The following PRKN variants were observed in gnomAD, a reference collection of about 807,000 sequenced individuals.
PRKN encodes parkin RBR E3 ubiquitin protein ligase, also known as E3 ubiquitin-protein ligase parkin.
Under a neutral mutation model 59.5 loss-of-function variants are expected in PRKN, and 56 were observed. The ratio of observed to expected loss-of-function variants is 0.94; its 90% CI spans 0.76 to 1.18. PRKN has a LOEUF of 1.18. PRKN is among the 50% of genes most tolerant of loss of function. PRKN has a pLI of 0.00. For synonymous variants in PRKN, 250 were observed against 222.1 expected (o/e 1.13, Z -1.12); for missense variants, 657 against 596.4 (o/e 1.10, Z -1.06).
Position 162,353,571 on chromosome 6 carries a change from A to G in PRKN, c.171+89739T>C, listed in dbSNP as rs562789091. ...TAATTTTTTGAAGAATATTAAAGGT[A>G]AGACAATATAGAGACATGAATAATA... On this transcript the variant is annotated intron_variant, in intron 2 of 11. Coordinates refer to ENST00000366898, the MANE Select transcript of PRKN (RefSeq NM_004562.3). Among the ~76,000 whole-genome samples, 47 of 152,264 alleles carry G rather than the reference A, an allele frequency of 3.1e-4. No individual in the cohort carries two copies. The South Asian group carries it at 9.1e-3, about 30-fold the overall frequency.
intron 6 of PRKN, among the ~76,000 whole-genome samples, chr6:161,935,108 T>C (rs1779305266): frequency 6.6e-6 from 1 of 152,220 alleles, no homozygotes; most frequent in African/African-American, 2.4e-5. Context: ...TCTGGTGCCC[T>C]TTCTGCCCAC....
At chr6:162,573,365 GCTCT>G (rs1051136898) in intron 1 of PRKN, among the ~76,000 whole-genome samples, 3 of 152,100 alleles carry the variant, frequency 2.0e-5, no homozygotes, top group African/African-American at 7.2e-5. Flanking sequence ...GATCTTTCTG[GCTCT>G]CTGTCGTCTG....
intron 6 of PRKN, among the ~76,000 whole-genome samples, chr6:161,888,271 G>A (rs1795224231): frequency 6.6e-6 from 1 of 152,144 alleles, no homozygotes; most frequent in African/African-American, 2.4e-5. Flanking sequence ...TATGACAGCT[G>A]AATGTCAGCG....
chr6:161,538,460 T>C lies in PRKN; in HGVS notation c.1083+10394A>G, dbSNP rs1021927304. ...CCTGTATGGTAGGCTTGGATAGCTC[T>C]GCCAGGTGTACCTCCTAAGGACCTC... On this transcript the variant is annotated intron_variant, in intron 9 of 11. Transcript: ENST00000366898. This position sits in a 1 kb window ranked among gnomAD's most constrained non-coding sequence, Gnocchi z 4.2. Among the ~76,000 whole-genome samples the C allele has an allele frequency of 6.6e-6, 1 of 152,150 alleles. No homozygotes were observed. Among genetic ancestry groups the C allele is most frequent in the Non-Finnish European group, 1.5e-5 (1 of 68,016 alleles).
intron 7 of PRKN, among the ~76,000 whole-genome samples, chr6:161,721,706 C>T (rs1004725896): frequency 3.3e-5 from 5 of 152,272 alleles, no homozygotes; most frequent in African/African-American, 4.8e-5. Flanking sequence ...CCGTCAGCCA[C>T]GCCACCCACC....
At chr6:162,495,228 C>G (rs919372397) in intron 1 of PRKN, among the ~76,000 whole-genome samples, 2 of 152,138 alleles carry the variant, frequency 1.3e-5, no homozygotes, top group African/African-American at 4.8e-5. Flanking sequence ...CAAAACCATA[C>G]TTCTTACTTT....
At chr6:161,403,720 T>C (rs2114986230) in intron 9 of PRKN, among the ~76,000 whole-genome samples, 1 of 152,298 alleles carries the variant, frequency 6.6e-6, no homozygotes, top group East Asian at 1.9e-4. Context: ...ATGCTTGGCC[T>C]CTCTGGAACT....
At chr6:162,372,431 C>G (rs991299822) in intron 2 of PRKN, among the ~76,000 whole-genome samples, 1 of 150,920 alleles carries the variant, frequency 6.6e-6, no homozygotes, top group Admixed American at 6.6e-5. Context: ...ACATGCGATC[C>G]TCACGACAGC....
intron 7 of PRKN, among the ~76,000 whole-genome samples, chr6:161,753,731 C>T (rs1355102866): frequency 2.6e-5 from 4 of 152,108 alleles, no homozygotes; most frequent in East Asian, 3.9e-4. Context: ...TGGAGCAAGG[C>T]CAATTCTCTC....
At chr6:162,473,742 C>A (rs62430741) in intron 1 of PRKN, among the ~76,000 whole-genome samples, 20,882 of 151,976 alleles carry the variant, frequency 0.14, 1,679 homozygotes, top group Non-Finnish European at 0.18. Context: ...ATGTGGCTAA[C>A]GGCTACTATA....
At chr6:162,415,831 C>T (rs890981862) in intron 2 of PRKN, among the ~76,000 whole-genome samples, 2 of 152,006 alleles carry the variant, frequency 1.3e-5, no homozygotes, top group South Asian at 4.2e-4. Context: ...GTTAAGACAA[C>T]CTCAAATTTA....
At chr6:161,880,424 T>C (rs1794889815) in intron 6 of PRKN, among the ~76,000 whole-genome samples, 1 of 152,206 alleles carries the variant, frequency 6.6e-6, no homozygotes, top group Non-Finnish European at 1.5e-5. Context: ...TTAGGAAATG[T>C]AAGTATATGG....
At chr6:162,625,584 CT>C (rs35839660) in intron 1 of PRKN, among the ~76,000 whole-genome samples, 2 of 152,054 alleles carry the variant, frequency 1.3e-5, no homozygotes, top group South Asian at 4.1e-4. Context: ...GTCCCTTCCT[CT>C]TTTTTTCTAC....
chr6:161,513,525 ATT>A (rs34386533), intron 9 of PRKN, among the ~76,000 whole-genome samples: 3 of 142,806 alleles, frequency 2.1e-5, no homozygotes, highest in Non-Finnish European at 3.0e-5. Context: ...ATTACAGCAC[ATT>A]TTTTTTTTTT....
At chr6:161,427,322 G>A (rs745635960) in intron 9 of PRKN, among the ~76,000 whole-genome samples, 4 of 152,156 alleles carry the variant, frequency 2.6e-5, no homozygotes, top group South Asian at 2.1e-4. Context: ...TGCTTTATGC[G>A]AATCATCTTT....
chr6:162,255,974 A>C (rs919083827), intron 3 of PRKN, among the ~76,000 whole-genome samples: 2 of 152,186 alleles, frequency 1.3e-5, no homozygotes, highest in African/African-American at 2.4e-5. Context: ...GAGTTTAATT[A>C]TCATGCACAG....
intron 1 of PRKN, among the ~76,000 whole-genome samples, chr6:162,490,156 TG>T (rs1792737441): frequency 6.6e-6 from 1 of 152,094 alleles, no homozygotes; most frequent in African/African-American, 2.4e-5. Context: ...CTTAAAACAC[TG>T]CCTGCAGGAG....
intron 7 of PRKN, among the ~76,000 whole-genome samples, chr6:161,774,084 C>A (rs1789808066): frequency 6.6e-6 from 1 of 152,134 alleles, no homozygotes; most frequent in Admixed American, 6.5e-5. Flanking sequence ...GATGACCGAA[C>A]AGACAGTGCC....
intron 9 of PRKN, among the ~76,000 whole-genome samples, chr6:161,531,377 T>C (rs1323653257): frequency 1.5e-5 from 2 of 132,266 alleles, no homozygotes; most frequent in East Asian, 4.2e-4. Flanking sequence ...CGAGACTCCG[T>C]CTCAAAAAAA....
Sources: gnomAD v4.1 joint callset for allele counts (sites outside exome capture counted in the v4.1 genomes callset) on GRCh38, gnomAD v4.1.1 for gene constraint, Gnocchi (gnomAD v3.1) non-coding constraint, MANE v1.5 for transcripts, NCBI Gene and HGNC (gene_info 2026-07-23, HGNC 2026-07-21) for gene names.